Variants in NEBL observed in about 807,000 individuals in gnomAD.
NEBL encodes LIM and SH3 protein 2.
In NEBL, 122 loss-of-function variants were observed where a neutral mutation model predicts 140.2. The observed-to-expected ratio is 0.87, with a 90% CI of 0.75 to 1.01. The LOEUF (loss-of-function observed/expected upper bound fraction) is 1.01. Among genes scored for constraint, NEBL ranks in the 50% least tolerant of loss-of-function variants. NEBL has a pLI of 0.00. For synonymous variants in NEBL, 436 were observed against 398.9 expected (o/e 1.09, Z -1.11); for missense variants, 1,365 against 1,231.3 (o/e 1.11, Z -1.62).
At chr10:21,202,027 T>G (rs1841746154) in intron 3 of NEBL, among the ~76,000 whole-genome samples, 1 of 152,188 alleles carries the variant, frequency 6.6e-6, no homozygotes, top group African/African-American at 2.4e-5. Flanking sequence ...GTAGTCTGAT[T>G]TCCTATCGTG....
intron 4 of NEBL, among the ~76,000 whole-genome samples, chr10:20,917,102 G>T (rs1378699154): frequency 2.0e-5 from 3 of 152,174 alleles, no homozygotes; most frequent in Non-Finnish European, 2.9e-5. Flanking sequence ...ACTAGACCTG[G>T]TTTAGCCTAC....
At chr10:21,029,212 A>C in intron 2 of NEBL, 1 of 1,453,272 alleles carries the variant, frequency 6.9e-7, no homozygotes, top group South Asian at 1.1e-5. Context: ...TGACCATTCC[A>C]TCCTTCCCAC....
Position 20,815,155 on chromosome 10 carries a change from T to G in NEBL, c.2241+470A>C, listed in dbSNP as rs149706969. ...AAGATACTCATGTACACCACTGGACTTTGGTGAGCAACTGAATTCTACGTT... is the reference window on the plus strand; with the variant it reads ...AAGATACTCATGTACACCACTGGACGTTGGTGAGCAACTGAATTCTACGTT... On this transcript the variant is annotated intron_variant, in intron 22 of 27. Transcript: ENST00000377122. Among the ~76,000 whole-genome samples, 5 of 152,378 alleles carry G rather than the reference T, an allele frequency of 3.3e-5. No homozygotes were observed. In the East Asian group the frequency reaches 9.6e-4, roughly 29 times the overall value.
At chr10:21,105,524 T>C (rs1325355657) in intron 2 of NEBL, among the ~76,000 whole-genome samples, 1 of 152,184 alleles carries the variant, frequency 6.6e-6, no homozygotes, top group African/African-American at 2.4e-5. Context: ...ACTCATCCTT[T>C]TTTATGGCTG....
At chr10:20,864,177 G>A (rs1011962202) in intron 7 of NEBL, among the ~76,000 whole-genome samples, 3 of 152,094 alleles carry the variant, frequency 2.0e-5, no homozygotes, top group Non-Finnish European at 4.4e-5. Context: ...CAAATTCCAA[G>A]TAACAAGATG....
At chr10:20,788,736 A>G (rs1354814070) in intron 26 of NEBL, among the ~76,000 whole-genome samples, 2 of 152,240 alleles carry the variant, frequency 1.3e-5, no homozygotes, top group African/African-American at 4.8e-5. Flanking sequence ...ACACTTTTTA[A>G]CATTATCAAC....
At chr10:21,108,280 C>G (rs554826197) in intron 2 of NEBL, among the ~76,000 whole-genome samples, 1 of 152,166 alleles carries the variant, frequency 6.6e-6, no homozygotes, top group Non-Finnish European at 1.5e-5. Flanking sequence ...ATCTTTCCTT[C>G]TTTCTCTTGT....
chr10:20,950,072 T>C (rs1229445727), intron 4 of NEBL, among the ~76,000 whole-genome samples: 1 of 152,172 alleles, frequency 6.6e-6, no homozygotes, highest in East Asian at 1.9e-4. Context: ...TATCTGGCAT[T>C]TCTCCCATTT....
intron 3 of NEBL, among the ~76,000 whole-genome samples, chr10:21,238,220 G>A (rs1842385634): frequency 6.6e-6 from 1 of 152,194 alleles, no homozygotes; most frequent in Non-Finnish European, 1.5e-5. Flanking sequence ...GAAAGTCAAG[G>A]AAGTATACAC....
chr10:21,099,666 A>G (rs1035610035), intron 2 of NEBL, among the ~76,000 whole-genome samples: 3 of 152,214 alleles, frequency 2.0e-5, no homozygotes, highest in South Asian at 4.1e-4. Flanking sequence ...AATATCTCAT[A>G]TGAGTGGCCA....
intron 20 of NEBL, 181 bp downstream of exon 20, chr10:20,819,243 G>T: frequency 9.3e-7 from 1 of 1,072,380 alleles, no homozygotes; most frequent in Non-Finnish European, 1.3e-6. Flanking sequence ...ACAGGCTCCG[G>T]TGTCTGTTAT....
chr10:20,855,825 G>T (rs983403958), intron 9 of NEBL, among the ~76,000 whole-genome samples: 1 of 152,136 alleles, frequency 6.6e-6, no homozygotes, highest in African/African-American at 2.4e-5. Context: ...TGTTGCTAAA[G>T]ACATCTAGGG....
intron 3 of NEBL, among the ~76,000 whole-genome samples, chr10:21,202,461 C>CTTTTTCTT (rs1841753053): frequency 8.5e-6 from 1 of 117,294 alleles, no homozygotes; most frequent in Non-Finnish European, 1.7e-5. Context: ...TTTTCTTTTT[C>CTTTTTCTT]TTTTTTTTTT....
rs71392181 is a variant in NEBL, at chr10:21,288,820, G to GTATATATATATATA, written n.182+3996_182+4009dup. On this transcript the variant is annotated intron_variant and non_coding_transcript_variant, in intron 1 of 8. Transcript: ENST00000675702. ...TCTGACAATATATACGTGTGTGTGT[G>GTATATATATATATA]TATATATATATATATATATATATAT... Among the ~76,000 whole-genome samples the GTATATATATATATA allele has an allele frequency of 5.1e-3, 178 of 34,934 alleles. 3 individuals are homozygous for GTATATATATATATA. The highest frequency in any genetic ancestry group is 0.012 in the East Asian group (5 of 406). 22.9% of individuals were successfully genotyped at this position (34,934 alleles called of 152,430 possible).
At chr10:21,192,832 CAA>C (rs75720730) in intron 3 of NEBL, among the ~76,000 whole-genome samples, 15 of 91,724 alleles carry the variant, frequency 1.6e-4, no homozygotes, top group Admixed American at 2.4e-4. Context: ...TGACAGGCCT[CAA>C]AAAAAAAAAA....
chr10:20,971,921 GA>G (rs1288516544), intron 3 of NEBL, among the ~76,000 whole-genome samples: 1 of 152,052 alleles, frequency 6.6e-6, no homozygotes, highest in Non-Finnish European at 1.5e-5. Context: ...CCATAGAATA[GA>G]ATATTATTGA....
intron 4 of NEBL, among the ~76,000 whole-genome samples, chr10:20,923,764 A>G (rs1315636645): frequency 1.3e-5 from 2 of 150,896 alleles, no homozygotes; most frequent in Non-Finnish European, 2.9e-5. Context: ...GAAGCTGTCA[A>G]GCCTGCACTT....
chr10:20,797,916 C>T (rs1040962712), intron 26 of NEBL, among the ~76,000 whole-genome samples: 1 of 151,906 alleles, frequency 6.6e-6, no homozygotes, highest in Non-Finnish European at 1.5e-5. Flanking sequence ...GCCTGGGCAA[C>T]AGAGCAAGAA....
Position 20,835,577 on chromosome 10 carries a change from A to G in NEBL, c.1385T>C (p.Met462Thr). The G allele has an allele frequency of 1.2e-6, 2 of 1,612,680 alleles. No homozygotes were observed. The highest frequency in any genetic ancestry group is 1.7e-6 in the Non-Finnish European group (2 of 1,179,848). Residue 462 changes from methionine (M) to threonine (T), a missense_variant, in exon 14 of 28, where the codon ATG (methionine) becomes ACG (threonine). Physicochemically the swap from Met to Thr is moderately conservative, Grantham distance 81. Transcript: ENST00000377122. ...DLESIIKGKG[M>T]QAGTDTLEMQ... ...TTCAAGGGTGTCAGTGCCAGCTTGC[A>G]TTCCTTTCCCTTTAATTATTGACTC...
Sources: gnomAD v4.1 joint callset for allele counts (sites outside exome capture counted in the v4.1 genomes callset) on GRCh38, gnomAD v4.1.1 for gene constraint, MANE v1.5 for transcripts, NCBI Gene and HGNC (gene_info 2026-07-23, HGNC 2026-07-21) for gene names.